The following SMR3B variants were observed in gnomAD, a reference collection of about 807,000 sequenced individuals.
The protein encoded by SMR3B is submaxillary gland androgen-regulated protein 3B.
For missense variants in SMR3B, 114 were observed against 99.9 expected (o/e 1.14, Z -0.60); for synonymous variants, 42 against 36.1 (o/e 1.16, Z -0.59).
chr4:70,389,870 G>T lies in SMR3B; in HGVS notation c.*22G>T. ...CTAAGGTCCACCACTCCATCCTGAT[G>T]CCCCAGGTTATCCACAGCCTCCTTC... On this transcript the variant is annotated 3_prime_UTR_variant, in exon 3 of 3. Transcript: ENST00000304915. 3 of 1,612,060 alleles carry T rather than the reference G, an allele frequency of 1.9e-6. No individual in the cohort carries two copies. Among genetic ancestry groups the T allele is most frequent in the Non-Finnish European group, 2.5e-6 (3 of 1,178,766 alleles).
At chr4:70,383,523 A>C (rs1050896820) in intron 1 of SMR3B, among the ~76,000 whole-genome samples, 1 of 152,172 alleles carries the variant, frequency 6.6e-6, no homozygotes, top group East Asian at 1.9e-4. Flanking sequence ...GAATAGTCTC[A>C]GGTGTACTCT....
intron 2 of SMR3B, among the ~76,000 whole-genome samples, chr4:70,387,352 A>G (rs1008166808): frequency 6.6e-6 from 1 of 152,320 alleles, no homozygotes. Context: ...AGTGGAAGTA[A>G]GAGATATGAT....
rs892171263 is a variant in SMR3B at position 70,388,806 on chromosome 4, G to C, written c.55-857G>C. Among the ~76,000 whole-genome samples, 4 of 152,156 alleles carry C rather than the reference G, an allele frequency of 2.6e-5. No homozygotes were observed. In the South Asian group the frequency reaches 6.3e-4, roughly 24 times the overall value. On this transcript the variant is annotated intron_variant, in intron 2 of 2. Coordinates refer to ENST00000304915, the MANE Select transcript of SMR3B (RefSeq NM_006685.4). ...ATTGCACAAAGTAGGTGCTCATGAC[G>C]TCTCTCACAATTTATTAGTGTTCAA...
intron 2 of SMR3B, among the ~76,000 whole-genome samples, chr4:70,388,057 C>T (rs763177537): frequency 3.3e-5 from 5 of 152,152 alleles, no homozygotes; most frequent in Non-Finnish European, 5.9e-5. Flanking sequence ...CTCCAAGCAA[C>T]CTGGACTTCT....
intron 2 of SMR3B, among the ~76,000 whole-genome samples, 180 bp from the exon 3 acceptor site, chr4:70,389,483 T>C (rs961543374): frequency 6.6e-6 from 1 of 152,172 alleles, no homozygotes; most frequent in Non-Finnish European, 1.5e-5. Flanking sequence ...ATTTCTTCTG[T>C]CTCTGACATT....
chr4:70,386,272 C>CAAAAAAAA (rs33979547), intron 2 of SMR3B, among the ~76,000 whole-genome samples: 1 of 126,652 alleles, frequency 7.9e-6, no homozygotes. Context: ...GACTCTATCT[C>CAAAAAAAA]AAAAAAAAAA....
chr4:70,385,277 A>G (rs888977733), intron 2 of SMR3B, among the ~76,000 whole-genome samples: 10 of 152,194 alleles, frequency 6.6e-5, no homozygotes, highest in African/African-American at 2.2e-4. Context: ...TATAAAATCT[A>G]TATCAAATTG....
chr4:70,383,858 G>A (rs1463504732), intron 1 of SMR3B, among the ~76,000 whole-genome samples: 1 of 152,038 alleles, frequency 6.6e-6, no homozygotes, highest in Non-Finnish European at 1.5e-5. Flanking sequence ...AGAATACCTG[G>A]ACATCTCCAT....
chr4:70,389,787 C>T lies in SMR3B; in HGVS notation c.179C>T (p.Pro60Leu). The T allele has an allele frequency of 1.2e-6, 2 of 1,613,888 alleles. No homozygotes were observed. The highest frequency in any genetic ancestry group is 1.1e-5 in the South Asian group (1 of 91,060). Residue 60 changes from proline to leucine, a missense_variant, in exon 3 of 3, where the codon CCA becomes CTA. Pro to Leu is a moderately conservative substitution (Grantham distance 98). Transcript: ENST00000304915. ...PPPPYGPGRIPPPPPAPYGPG... is the reference protein window; with the variant it reads ...PPPPYGPGRILPPPPAPYGPG... ...CCACCCTATGGTCCAGGGAGAATCC[C>T]ACCTCCTCCTCCCGCACCCTATGGT...
In SMR3B at chr4:70,384,916, C is replaced by T. The variant is rs557692515; in HGVS notation, c.54+352C>T. The T allele has an allele frequency of 2.8e-5, 5 of 180,258 alleles. No homozygotes were observed. In the South Asian group the frequency reaches 4.1e-4, roughly 15 times the overall value. The allele number at this position is 180,258 out of a possible 1,614,324, so 11.2% of individuals were successfully genotyped here. ...CAGCATGTAGTTTATGGATCATTTA[C>T]ACCAGAGTCACCTAACTCACTTATT... On this transcript the variant is annotated intron_variant, in intron 2 of 2. Transcript: ENST00000304915.
At chr4:70,384,091 C>A (rs1732610549) in intron 1 of SMR3B, among the ~76,000 whole-genome samples, 1 of 151,246 alleles carries the variant, frequency 6.6e-6, no homozygotes. Flanking sequence ...ATGTTAATAT[C>A]TCAAACCCAT....
At chr4:70,384,761 G>A (rs928758879) in intron 2 of SMR3B, 197 bp downstream of exon 2, 1 of 1,113,572 alleles carries the variant, frequency 9.0e-7, no homozygotes, top group Non-Finnish European at 1.2e-6. Flanking sequence ...CTGCCATACT[G>A]GACAGCTCAA....
chr4:70,387,678 T>C (rs893897754), intron 2 of SMR3B, among the ~76,000 whole-genome samples: 1 of 152,136 alleles, frequency 6.6e-6, no homozygotes. Context: ...GCCTGAAATA[T>C]CTTGGTGAAG....
At chr4:70,389,512 G>A in intron 2 of SMR3B, 151 bp from the exon 3 acceptor site, 1 of 691,996 alleles carries the variant, frequency 1.4e-6, no homozygotes, top group South Asian at 2.0e-5. Flanking sequence ...TTTTTTAAAA[G>A]GGCTCACCTG....
chr4:70,387,221 T>C (rs566192569), intron 2 of SMR3B, among the ~76,000 whole-genome samples: 37 of 152,328 alleles, frequency 2.4e-4, no homozygotes, highest in African/African-American at 8.4e-4. Flanking sequence ...TTGATACTTC[T>C]TTTGCAAATG....
chr4:70,387,616 C>T (rs1355650336), intron 2 of SMR3B, among the ~76,000 whole-genome samples: 1 of 152,112 alleles, frequency 6.6e-6, no homozygotes, highest in Admixed American at 6.5e-5. Context: ...TCCTAGCTAT[C>T]AATGACTCCA....
chr4:70,389,364 C>T (rs1382650326), intron 2 of SMR3B, among the ~76,000 whole-genome samples: 1 of 152,164 alleles, frequency 6.6e-6, no homozygotes, highest in Admixed American at 6.6e-5. Flanking sequence ...GGGCCACTCT[C>T]GGCTGCTATA....
At position 70,389,683 on chromosome 4, in the gene SMR3B, C is replaced by T. The variant is rs753703024; in HGVS notation, c.75C>T (p.Gly25=). The T allele has an allele frequency of 6.2e-7, 1 of 1,613,944 alleles. No homozygotes were observed. The part of the protein sequence containing the change: ...ACFTPGESQR[G]PRGPYPPGPL... ...CACAGCCTGGTGAGAGTCAAAGAGG[C>T]CCCAGGGGACCATATCCACCTGGAC... The change falls in exon 3 of 3, where the codon GGC becomes GGT. Residue 25 remains glycine (G), a synonymous_variant. Coordinates refer to ENST00000304915, the MANE Select transcript of SMR3B (RefSeq NM_006685.4).
chr4:70,388,914 T>C (rs1732711121), intron 2 of SMR3B, among the ~76,000 whole-genome samples: 1 of 152,212 alleles, frequency 6.6e-6, no homozygotes, highest in Admixed American at 6.5e-5. Flanking sequence ...CCACTTACAA[T>C]TGACTTAAAT....
Sources: allele counts gnomAD v4.1 joint callset (sites outside exome capture counted in the v4.1 genomes callset), GRCh38; gene constraint gnomAD v4.1.1; transcripts MANE v1.5; gene names NCBI Gene and HGNC (gene_info 2026-07-23, HGNC 2026-07-21).